The following MAPRE2 variants were observed in gnomAD, a reference collection of about 807,000 sequenced individuals.
MAPRE2 encodes microtubule-associated protein RP/EB family member 2.
Under a neutral mutation model 43.2 loss-of-function variants are expected in MAPRE2, and 13 were observed. The observed-to-expected ratio is 0.30, with a 90% CI of 0.20 to 0.48. The LOEUF (loss-of-function observed/expected upper bound fraction) is 0.48. MAPRE2 is among the 20% of genes least tolerant of loss of function. The pLI is 0.99. For synonymous variants in MAPRE2, 135 were observed against 148.8 expected, an observed-to-expected ratio of 0.91 and a Z score of 0.68; for missense variants, 161 against 400.2, an observed-to-expected ratio of 0.40 and a Z score of 5.10.
chr18:35,093,274 T>C (rs560199509), intron 2 of MAPRE2, among the ~76,000 whole-genome samples: 1 of 149,440 alleles, frequency 6.7e-6, no homozygotes, highest in African/African-American at 2.5e-5. Flanking sequence ...AAAAAATTGT[T>C]GGCATGGATT....
chr18:35,043,139 C>T (rs756337446), intron 1 of MAPRE2, among the ~76,000 whole-genome samples: 2 of 152,340 alleles, frequency 1.3e-5, no homozygotes, highest in East Asian at 1.9e-4. Context: ...GATATCCTTT[C>T]AGAGACCCTG....
chr18:34,978,996 C>T (rs657018), intron 1 of MAPRE2, among the ~76,000 whole-genome samples: 99,875 of 152,042 alleles, frequency 0.66, 32,952 homozygotes, highest in East Asian at 0.7. Flanking sequence ...GGAAACTCTA[C>T]AGCAAAGGAA....
At chr18:35,109,681 T>C (rs1909084716) in intron 4 of MAPRE2, among the ~76,000 whole-genome samples, 1 of 152,162 alleles carries the variant, frequency 6.6e-6, no homozygotes, top group Non-Finnish European at 1.5e-5. Flanking sequence ...GCATCATCTT[T>C]CTCCATGATA....
At chr18:35,090,301 T>A (rs1908083404) in intron 2 of MAPRE2, among the ~76,000 whole-genome samples, 1 of 152,224 alleles carries the variant, frequency 6.6e-6, no homozygotes. Context: ...ATATGAATTA[T>A]ATCCTAGCTT....
At chr18:35,069,093 G>A (rs902808084) in intron 1 of MAPRE2, among the ~76,000 whole-genome samples, 1 of 152,162 alleles carries the variant, frequency 6.6e-6, no homozygotes, top group Non-Finnish European at 1.5e-5. Flanking sequence ...GAGGACAGCG[G>A]AACATGTTAA....
At chr18:35,117,326 A>G (rs190741439) in intron 4 of MAPRE2, among the ~76,000 whole-genome samples, 129 of 152,184 alleles carry the variant, frequency 8.5e-4, no homozygotes, top group African/African-American at 3.0e-3. Context: ...TTAGCCGGAG[A>G]GTCTGGATAA....
At chr18:35,102,691 T>C (rs1908735990) in intron 4 of MAPRE2, among the ~76,000 whole-genome samples, 1 of 152,132 alleles carries the variant, frequency 6.6e-6, no homozygotes, top group African/African-American at 2.4e-5. Flanking sequence ...AGTGAAGTCG[T>C]TGAGGAAAAA....
chr18:35,071,664 T>A (rs1247035119), intron 2 of MAPRE2, among the ~76,000 whole-genome samples: 4 of 152,214 alleles, frequency 2.6e-5, no homozygotes. Flanking sequence ...TTTTATACAG[T>A]GCAGTTAGAA....
chr18:35,011,704 A>C (rs1410665898), intron 2 of MAPRE2, among the ~76,000 whole-genome samples: 1 of 152,118 alleles, frequency 6.6e-6, no homozygotes, highest in East Asian at 1.9e-4. Context: ...GGTAGAGGTT[A>C]ATGGGTGGAT....
At chr18:35,075,754 CA>C (rs535904308) in intron 2 of MAPRE2, among the ~76,000 whole-genome samples, 183 of 139,840 alleles carry the variant, frequency 1.3e-3, no homozygotes, top group Middle Eastern at 7.4e-3. Flanking sequence ...AAGAAGGGGA[CA>C]AAAAAAAAAG....
intron 2 of MAPRE2, among the ~76,000 whole-genome samples, chr18:35,080,050 T>G (rs1413096051): frequency 9.2e-5 from 14 of 152,236 alleles, no homozygotes. Context: ...GTCTTACCCT[T>G]GTTTGGGTCT....
At chr18:35,093,886 TTG>T (rs946452138) in intron 2 of MAPRE2, among the ~76,000 whole-genome samples, 1 of 152,196 alleles carries the variant, frequency 6.6e-6, no homozygotes, top group Non-Finnish European at 1.5e-5. Context: ...CAATATTGTG[TTG>T]TATATTTCAT....
chr18:35,102,336 A>G (rs1026872645), intron 4 of MAPRE2, among the ~76,000 whole-genome samples, 177 bp downstream of exon 4: 1 of 152,232 alleles, frequency 6.6e-6, no homozygotes, highest in Non-Finnish European at 1.5e-5. Flanking sequence ...CCCATTTGTC[A>G]TTAGTCTAAC....
chr18:35,107,806 T>A (rs1022201030), intron 4 of MAPRE2, among the ~76,000 whole-genome samples: 3 of 152,158 alleles, frequency 2.0e-5, no homozygotes, highest in African/African-American at 7.2e-5. Context: ...GATCTGTATT[T>A]TATGGATTTT....
intron 2 of MAPRE2, among the ~76,000 whole-genome samples, chr18:35,023,808 A>G (rs1452311500): frequency 6.6e-6 from 1 of 152,130 alleles, no homozygotes; most frequent in Non-Finnish European, 1.5e-5. Context: ...GCCACTGACT[A>G]AATGATGCCC....
chr18:35,115,334 A>G (rs1909363444), intron 4 of MAPRE2, among the ~76,000 whole-genome samples: 1 of 152,204 alleles, frequency 6.6e-6, no homozygotes, highest in Non-Finnish European at 1.5e-5. Flanking sequence ...AAAGTATGCT[A>G]GTACACTACA....
chr18:34,980,407 C>A (rs1437954855), intron 1 of MAPRE2, among the ~76,000 whole-genome samples: 1 of 152,160 alleles, frequency 6.6e-6, no homozygotes, highest in African/African-American at 2.4e-5. Flanking sequence ...ATCTGAACCT[C>A]TCTTAGAGCA....
chr18:35,022,698 C>T (rs1257080993), intron 2 of MAPRE2, among the ~76,000 whole-genome samples: 1 of 152,216 alleles, frequency 6.6e-6, no homozygotes, highest in African/African-American at 2.4e-5. Flanking sequence ...TAGAAGCAAT[C>T]TGTGTCAAAA....
At chr18:35,077,652 A>G (rs116821540) in intron 2 of MAPRE2, among the ~76,000 whole-genome samples, 5,063 of 152,304 alleles carry the variant, frequency 0.033, 134 homozygotes, top group African/African-American at 0.069. Flanking sequence ...CCCTAACTCC[A>G]TAGCCCCAGG....
Sources: gnomAD v4.1 joint callset for allele counts (sites outside exome capture counted in the v4.1 genomes callset) on GRCh38, gnomAD v4.1.1 for gene constraint, MANE v1.5 for transcripts, NCBI Gene and HGNC (gene_info 2026-07-23, HGNC 2026-07-21) for gene names.